Variants in PECAM1 observed in about 807,000 individuals in gnomAD.
PECAM1 encodes the protein platelet and endothelial cell adhesion molecule 1.
In PECAM1, 8 loss-of-function variants were observed where a neutral mutation model predicts 13.8. The ratio of observed to expected loss-of-function variants is 0.58; its 90% confidence interval spans 0.34 to 1.05. The LOEUF (loss-of-function observed/expected upper bound fraction) is 1.05, where lower values mean the gene tolerates loss of function less well. Ranked by LOEUF, PECAM1 falls within the 50% of genes least tolerant of loss-of-function variation. The pLI, the probability that PECAM1 is intolerant of heterozygous loss-of-function variation, is 0.03. For missense variants in PECAM1, 304 were observed against 141.2 expected (o/e 2.15, Z -5.84); for synonymous variants, 136 against 52.6 (o/e 2.58, Z -6.86).
chr17:64,328,116 C>T (rs1432165831), intron 15 of PECAM1, among the ~76,000 whole-genome samples: 1 of 152,194 alleles, frequency 6.6e-6, no homozygotes, highest in Non-Finnish European at 1.5e-5. Context: ...GACTTTGAGG[C>T]CCAAGGGCCA....
intron 2 of PECAM1, among the ~76,000 whole-genome samples, chr17:64,386,697 C>T (rs972765090): frequency 2.6e-5 from 4 of 151,536 alleles, no homozygotes; most frequent in South Asian, 4.2e-4. Flanking sequence ...TTTCGGAGGC[C>T]GAGGCAGGAG....
rs782662835 is a variant in PECAM1 at position 64,329,267 on chromosome 17, G to A, written c.2187+433C>T. On this transcript the variant is annotated intron_variant, in intron 15 of 15. Transcript: ENST00000563924. ...ACATGTCTGATTCCCTCATCAGAAG[G>A]TGAACTGAGGTCAAGAAGCTTGGGT... 2.6e-5 allele frequency among the ~76,000 whole-genome samples: 4 copies of A among 152,104 alleles called. 1 individual carries two copies. The highest frequency in any genetic ancestry group is 4.1e-4 in the South Asian group (2 of 4,824).
chr17:64,346,231 G>A (rs986305251), intron 13 of PECAM1, among the ~76,000 whole-genome samples: 2 of 151,940 alleles, frequency 1.3e-5, no homozygotes, highest in South Asian at 2.1e-4. Flanking sequence ...TCCTTTGAGC[G>A]TGCAGGAGCC....
At chr17:64,360,471 A>G in intron 6 of PECAM1, 56 bp from the exon 7 acceptor site, 1 of 464,114 alleles carries the variant, frequency 2.2e-6, no homozygotes, top group Non-Finnish European at 3.9e-6. Context: ...CAAAGCATCC[A>G]GCACAAGAGG....
At chr17:64,349,449 A>G (rs2035660822) in intron 12 of PECAM1, among the ~76,000 whole-genome samples, 1 of 151,850 alleles carries the variant, frequency 6.6e-6, no homozygotes, top group Non-Finnish European at 1.5e-5. Context: ...TTAGCTGGGC[A>G]TGGTGGCACA....
intron 14 of PECAM1, among the ~76,000 whole-genome samples, chr17:64,336,405 G>A (rs2035276859): frequency 6.6e-6 from 1 of 152,168 alleles, no homozygotes; most frequent in Non-Finnish European, 1.5e-5. Context: ...CTGGCTGAAG[G>A]ATCTGGCTCT....
At chr17:64,348,407 C>CT (rs869282884) in intron 12 of PECAM1, 85 bp from the exon 13 acceptor site, 38,176 of 294,674 alleles carry the variant, frequency 0.13, 819 homozygotes, top group Middle Eastern at 0.19. Flanking sequence ...ACTTTCTTTT[C>CT]TTTTTTTTTT....
chr17:64,333,322 C>T (rs2035178443), intron 14 of PECAM1, among the ~76,000 whole-genome samples: 1 of 152,040 alleles, frequency 6.6e-6, no homozygotes, highest in African/African-American at 2.4e-5. Context: ...AGTCACCTCC[C>T]AAGACAGAGG....
rs556616285 is a variant in PECAM1, at chr17:64,329,828, C to T, written c.2165-106G>A. The T allele has an allele frequency of 2.1e-5, 15 of 717,250 alleles. No homozygotes were observed. In the Admixed American group the frequency reaches 2.8e-4, roughly 13 times the overall value. The allele number at this position is 717,250 out of a possible 1,614,324, so 44.4% of individuals were successfully genotyped here. On this transcript the variant is annotated intron_variant, in intron 14 of 15. Transcript: ENST00000563924. ...GCAGGTCGAGAAAAGAGGGAGGAGG[C>T]GAGAGCCAGGAGACATCAGCCGGCA...
At chr17:64,346,528 G>T (rs2143754976) in intron 13 of PECAM1, among the ~76,000 whole-genome samples, 1 of 152,226 alleles carries the variant, frequency 6.6e-6, no homozygotes, top group Admixed American at 6.5e-5. Context: ...TAGAGACAGG[G>T]TTTCACCATG....
chr17:64,373,397 A>C (rs906860124), intron 4 of PECAM1, among the ~76,000 whole-genome samples: 9 of 152,090 alleles, frequency 5.9e-5, no homozygotes, highest in African/African-American at 2.2e-4. Context: ...TCAAGTTCTG[A>C]GTTCTAAAAT....
At position 64,319,772 on chromosome 17, in the gene PECAM1, G is replaced by C. The variant is rs2034786268; in HGVS notation, c.*4044C>G. On this transcript the variant is annotated 3_prime_UTR_variant, in exon 16 of 16. Transcript: ENST00000563924. ...TTAAATTCCGCCATTTTGCCTCTTG[G>C]TGCGCATGCTCCAGGCTGCTTGCCC... 6.6e-6 allele frequency: 1 copy of C among 152,188 alleles called. No homozygotes were observed. The highest frequency in any genetic ancestry group is 2.1e-4 in the South Asian group (1 of 4,826). 9.4% of individuals were successfully genotyped at this position (152,188 alleles called of 1,614,324 possible).
chr17:64,372,118 C>T (rs1374902666), intron 4 of PECAM1, among the ~76,000 whole-genome samples: 3 of 151,994 alleles, frequency 2.0e-5, no homozygotes, highest in Non-Finnish European at 4.4e-5. Context: ...CATTGAAATA[C>T]TCTGTTAGGA....
chr17:64,364,717 A>G (rs2036063099), intron 5 of PECAM1, among the ~76,000 whole-genome samples: 1 of 151,876 alleles, frequency 6.6e-6, no homozygotes, highest in Non-Finnish European at 1.5e-5. Flanking sequence ...CCAAAGACAA[A>G]AACCACATGA....
intron 14 of PECAM1, among the ~76,000 whole-genome samples, chr17:64,331,589 C>G (rs12936766): frequency 0.55 from 83,805 of 152,174 alleles, 23,158 homozygotes; most frequent in East Asian, 0.69. Context: ...GACAGTGAGG[C>G]TGAGAAAAGC....
In PECAM1 at chr17:64,320,269, C is replaced by T. The variant is rs2034793756; in HGVS notation, c.*3547G>A. On this transcript the variant is annotated 3_prime_UTR_variant, in exon 16 of 16. Transcript: ENST00000563924. ...ACCTCCTCCTTAAGACTCTCAAAGA[C>T]TGAGTCAGGCCAGTGGGAGCCTGGC... 6.6e-6 allele frequency: 1 copy of T among 152,276 alleles called. No homozygotes were observed. Among genetic ancestry groups the T allele is most frequent in the South Asian group, 2.1e-4 (1 of 4,830 alleles). The allele number at this position is 152,276 out of a possible 1,614,324, so 9.4% of individuals were successfully genotyped here.
At position 64,355,876 on chromosome 17, in the gene PECAM1, T is replaced by C. The variant is rs1034604262; in HGVS notation, c.1780+235A>G. On this transcript the variant is annotated intron_variant, in intron 8 of 15. Coordinates refer to ENST00000563924, the MANE Select transcript of PECAM1 (RefSeq NM_000442.5). ...GACTCAATGGTGAGTCTGCCAACAA[T>C]TTGTAATTGGAACGATGTGACATTC... Among the ~76,000 whole-genome samples the C allele has an allele frequency of 2.0e-4, 30 of 152,316 alleles. No individual in the cohort carries two copies. In the East Asian group the frequency reaches 5.2e-3, roughly 26 times the overall value.
intron 2 of PECAM1, 193 bp downstream of exon 2, chr17:64,390,296 A>T (rs2036688344): frequency 2.5e-6 from 1 of 399,798 alleles, no homozygotes; most frequent in Admixed American, 4.4e-5. Flanking sequence ...AAACACACTG[A>T]CCAGAACTTG....
chr17:64,321,909 T>C lies in PECAM1; in HGVS notation c.*1907A>G, dbSNP rs1555644476. The C allele has an allele frequency of 2.0e-5, 27 of 1,343,240 alleles. No homozygotes were observed. The highest frequency in any genetic ancestry group is 2.6e-5 in the Non-Finnish European group (26 of 1,014,454). 83.2% of individuals were successfully genotyped at this position (1,343,240 alleles called of 1,614,324 possible). A position where few individuals can be genotyped will look rare whatever the true frequency, so the allele number is the denominator to read the frequency against. The stretch of plus-strand genomic sequence containing the variant: ...ACTCCCTGGACACAGGGGATCTGGC[T>C]GTCCCCAGATCATCAACAGAGACAT... On this transcript the variant is annotated 3_prime_UTR_variant, in exon 16 of 16. Coordinates refer to ENST00000563924, the MANE Select transcript of PECAM1 (RefSeq NM_000442.5).
Sources: allele counts gnomAD v4.1 joint callset (sites outside exome capture counted in the v4.1 genomes callset), GRCh38; gene constraint gnomAD v4.1.1; transcripts MANE v1.5; gene names NCBI Gene and HGNC (gene_info 2026-07-23, HGNC 2026-07-21).